LINGO2: variants seen among roughly 807,000 people sequenced by gnomAD.
The protein encoded by LINGO2 is leucine rich repeat and Ig domain containing 2.
LINGO2 carries 14 observed loss-of-function variants against 30.6 expected under a neutral mutation model. That is an observed-to-expected ratio of 0.46 (90% confidence interval 0.30 to 0.72). The LOEUF (loss-of-function observed/expected upper bound fraction) is 0.72, where lower values mean the gene tolerates loss of function less well. Among genes scored for constraint, LINGO2 ranks in the 30% least tolerant of loss-of-function variants. The probability of loss-of-function intolerance (pLI) is 0.07; values close to 1 mark genes in which losing one functional copy is unlikely to be tolerated. For synonymous variants in LINGO2, 317 were observed against 288.5 expected (o/e 1.10, Z -1.00); for missense variants, 729 against 751.7 (o/e 0.97, Z 0.35).
intron 4 of LINGO2, among the ~76,000 whole-genome samples, chr9:28,067,423 AAC>A (rs1226475403): frequency 6.6e-6 from 1 of 152,190 alleles, no homozygotes; most frequent in African/African-American, 2.4e-5. Context: ...GGAAAATAAA[AAC>A]AATTATATTT....
intron 1 of LINGO2, among the ~76,000 whole-genome samples, chr9:28,479,957 G>GTACATTT: frequency 1.9e-5 from 1 of 52,694 alleles, no homozygotes; most frequent in South Asian, 6.7e-4. Context: ...ATATATATAT[G>GTACATTT]TACATTTTGA....
intron 1 of LINGO2, among the ~76,000 whole-genome samples, chr9:28,549,226 T>A (rs1314667953): frequency 6.6e-6 from 1 of 152,122 alleles, no homozygotes; most frequent in Admixed American, 6.6e-5. Flanking sequence ...ATAAATATTA[T>A]CTTACTGTCA....
intron 5 of LINGO2, among the ~76,000 whole-genome samples, chr9:27,987,498 T>A (rs1263436484): frequency 4.6e-5 from 7 of 151,878 alleles, no homozygotes; most frequent in Admixed American, 4.6e-4. Flanking sequence ...GCTTTGTAAG[T>A]ACTGTACCCC....
chr9:27,951,246 T>G (rs1015744973), intron 5 of LINGO2, among the ~76,000 whole-genome samples: 10 of 152,214 alleles, frequency 6.6e-5, no homozygotes, highest in African/African-American at 2.4e-4. Context: ...TGGAATGTTT[T>G]TCTTCATGTA....
intron 5 of LINGO2, among the ~76,000 whole-genome samples, chr9:27,976,537 A>C (rs933943426): frequency 6.6e-6 from 1 of 151,992 alleles, no homozygotes. Context: ...CATAGCATTT[A>C]CTCCTCACAA....
At chr9:28,183,387 C>T (rs1819427887) in intron 4 of LINGO2, among the ~76,000 whole-genome samples, 3 of 152,076 alleles carry the variant, frequency 2.0e-5, no homozygotes, top group African/African-American at 4.8e-5. Flanking sequence ...ACCTATGTAA[C>T]ATACCTGCAC....
At chr9:28,788,072 G>C in the LINGO2 span, among the ~76,000 whole-genome samples, 1 of 152,010 alleles carries the variant, frequency 6.6e-6, no homozygotes, top group Non-Finnish European at 1.5e-5. Flanking sequence ...CAATTGAACA[G>C]GACTGAGTAC....
chr9:28,440,551 A>G (rs1461211449), intron 2 of LINGO2, among the ~76,000 whole-genome samples: 1 of 152,184 alleles, frequency 6.6e-6, no homozygotes, highest in Non-Finnish European at 1.5e-5. Flanking sequence ...TAAACCTTCC[A>G]GAGCTTAAGT....
chr9:28,587,560 C>A (rs1030378470), intron 1 of LINGO2, among the ~76,000 whole-genome samples: 1 of 151,816 alleles, frequency 6.6e-6, no homozygotes, highest in African/African-American at 2.4e-5. Context: ...CTGTAGGACA[C>A]CCAGGGCTTA....
intron 4 of LINGO2, among the ~76,000 whole-genome samples, chr9:28,072,161 C>T (rs1825497941): frequency 1.3e-5 from 2 of 152,078 alleles, no homozygotes; most frequent in African/African-American, 2.4e-5. Flanking sequence ...TGTGTGCTTT[C>T]TGGGAAAGGG....
chr9:28,381,255 A>G (rs1439528610), intron 2 of LINGO2, among the ~76,000 whole-genome samples: 2 of 152,112 alleles, frequency 1.3e-5, no homozygotes, highest in African/African-American at 4.8e-5. Flanking sequence ...AAACAATTGC[A>G]GACTTTTGAC....
intron 4 of LINGO2, among the ~76,000 whole-genome samples, chr9:28,272,155 C>A (rs555837994): frequency 4.6e-5 from 7 of 152,202 alleles, no homozygotes; most frequent in Non-Finnish European, 7.4e-5. Flanking sequence ...ATTTTAGTAA[C>A]CTTCTAACTG....
the LINGO2 span, among the ~76,000 whole-genome samples, chr9:28,855,051 T>C: frequency 1.3e-5 from 2 of 152,006 alleles, no homozygotes; most frequent in African/African-American, 2.4e-5. Context: ...AACCCACCTT[T>C]AGGCTCCTGA....
At chr9:27,996,331 C>G (rs1440560036) in intron 5 of LINGO2, among the ~76,000 whole-genome samples, 3 of 152,140 alleles carry the variant, frequency 2.0e-5, no homozygotes, top group Non-Finnish European at 2.9e-5. Context: ...TATCTGCACT[C>G]CTATGTTTAT....
At chr9:28,209,152 G>A (rs1035116308) in intron 4 of LINGO2, among the ~76,000 whole-genome samples, 1 of 151,994 alleles carries the variant, frequency 6.6e-6, no homozygotes, top group Non-Finnish European at 1.5e-5. Context: ...ATTTTTCAAA[G>A]CGTCCTTTCG....
chr9:28,995,982 G>T, the LINGO2 span, among the ~76,000 whole-genome samples: 3 of 150,818 alleles, frequency 2.0e-5, no homozygotes, highest in Admixed American at 2.0e-4. Flanking sequence ...TAACTAATCT[G>T]CACATTGTGC....
the LINGO2 span, among the ~76,000 whole-genome samples, chr9:29,067,062 T>A: frequency 6.6e-6 from 1 of 151,820 alleles, no homozygotes; most frequent in Admixed American, 6.6e-5. Context: ...TATATTCTAA[T>A]GTAGGAAAAA....
chr9:28,186,598 C>T (rs925717114), intron 4 of LINGO2, among the ~76,000 whole-genome samples: 4 of 151,736 alleles, frequency 2.6e-5, no homozygotes, highest in African/African-American at 7.3e-5. Context: ...AGAGAGGGGA[C>T]GTGTGGAGTT....
At chr9:28,915,358 A>G in the LINGO2 span, among the ~76,000 whole-genome samples, 1 of 152,136 alleles carries the variant, frequency 6.6e-6, no homozygotes, top group African/African-American at 2.4e-5. Context: ...TTGTTAAAAC[A>G]CAGATTACTG....
Sources: gnomAD v4.1 joint callset for allele counts (sites outside exome capture counted in the v4.1 genomes callset) on GRCh38, gnomAD v4.1.1 for gene constraint, MANE v1.5 for transcripts, NCBI Gene and HGNC (gene_info 2026-07-23, HGNC 2026-07-21) for gene names.